The following ENTHD1 variants were observed in gnomAD, a reference collection of about 807,000 sequenced individuals.
ENTHD1 encodes ENTH domain-containing protein 1.
A neutral mutation model predicts 39.1 loss-of-function variants in ENTHD1; 23 were observed. That is an observed-to-expected ratio of 0.59 (90% CI 0.42 to 0.83). ENTHD1 has a LOEUF of 0.83. Ranked by LOEUF, ENTHD1 falls within the 40% of genes least tolerant of loss-of-function variation. The pLI is 0.00. For synonymous variants in ENTHD1, 230 were observed against 258.2 expected, an observed-to-expected ratio of 0.89 and a Z score of 1.05; for missense variants, 624 against 705.4, an observed-to-expected ratio of 0.88 and a Z score of 1.31.
Position 39,765,175 on chromosome 22 carries a change from G to A in ENTHD1, c.1219+48C>T, listed in dbSNP as rs949456716. 2.1e-5 allele frequency: 26 copies of A among 1,255,550 alleles called. No homozygotes were observed. The African/African-American group carries it at 4.5e-4, about 22-fold the overall frequency. The allele number at this position is 1,255,550 out of a possible 1,614,324, so 77.8% of individuals were successfully genotyped here. On this transcript the variant is annotated intron_variant, in intron 6 of 6. Coordinates refer to ENST00000325157, the MANE Select transcript of ENTHD1 (RefSeq NM_152512.4). The stretch of plus-strand genomic sequence containing the variant: ...AATAATGCTTCAAAAGAGGTTTTTT[G>A]TTGTGTGTGTGTGTGTGTGTGTGTG...
intron 6 of ENTHD1, among the ~76,000 whole-genome samples, chr22:39,754,103 C>A (rs2065167162): frequency 6.6e-6 from 1 of 152,140 alleles, no homozygotes; most frequent in African/African-American, 2.4e-5. Context: ...GACCAGATAG[C>A]AAATATTTTG....
intron 5 of ENTHD1, among the ~76,000 whole-genome samples, chr22:39,794,721 G>A (rs540570478): frequency 2.2e-4 from 33 of 151,646 alleles, no homozygotes; most frequent in African/African-American, 6.3e-4. Flanking sequence ...GGAGAATGGC[G>A]TGAACCTGGG....
intron 2 of ENTHD1, among the ~76,000 whole-genome samples, chr22:39,878,936 G>A (rs2146760880): frequency 6.6e-6 from 1 of 152,024 alleles, no homozygotes; most frequent in African/African-American, 2.4e-5. Flanking sequence ...TAAGGTACTA[G>A]CACTACCCAT....
intron 3 of ENTHD1, among the ~76,000 whole-genome samples, chr22:39,861,532 T>C (rs1319483425): frequency 2.0e-5 from 3 of 152,102 alleles, no homozygotes; most frequent in South Asian, 4.2e-4. Flanking sequence ...AGAGCAAGAT[T>C]CCGTCTCAAA....
chr22:39,815,487 C>T (rs1340189109), intron 5 of ENTHD1, among the ~76,000 whole-genome samples: 3 of 151,682 alleles, frequency 2.0e-5, no homozygotes, highest in Non-Finnish European at 4.4e-5. Context: ...CAAATGATAC[C>T]CACCCAATAG....
chr22:39,768,002 G>C (rs1353897109), intron 5 of ENTHD1, among the ~76,000 whole-genome samples: 1 of 152,042 alleles, frequency 6.6e-6, no homozygotes, highest in Non-Finnish European at 1.5e-5. Flanking sequence ...CAAATACTAT[G>C]ACCTAGAAGA....
chr22:39,893,170 CCTAA>C (rs956120630), intron 1 of ENTHD1: 96 of 152,322 alleles, frequency 6.3e-4, no homozygotes, highest in Middle Eastern at 3.4e-3. Context: ...TTTGCCATTT[CCTAA>C]CTAAGACTTA....
intron 5 of ENTHD1, among the ~76,000 whole-genome samples, chr22:39,792,089 A>G (rs1042921625): frequency 3.9e-5 from 6 of 152,180 alleles, no homozygotes; most frequent in Non-Finnish European, 8.8e-5. Context: ...ATGGCTGCAC[A>G]GTATTCCATG....
chr22:39,758,860 A>G (rs1026518008), intron 6 of ENTHD1, among the ~76,000 whole-genome samples: 8 of 152,216 alleles, frequency 5.3e-5, no homozygotes, highest in Non-Finnish European at 1.0e-4. Flanking sequence ...TGCATGAATC[A>G]AGATAATTTT....
intron 2 of ENTHD1, among the ~76,000 whole-genome samples, chr22:39,878,800 T>C (rs2146760438): frequency 6.6e-6 from 1 of 152,146 alleles, no homozygotes; most frequent in Admixed American, 6.5e-5. Flanking sequence ...TTATTATTTA[T>C]TAATAAAATA....
At chr22:39,881,469 G>A (rs1019408168) in intron 2 of ENTHD1, among the ~76,000 whole-genome samples, 1 of 152,148 alleles carries the variant, frequency 6.6e-6, no homozygotes, top group African/African-American at 2.4e-5. Flanking sequence ...ATTATTCTCC[G>A]ATGTTTCCCA....
chr22:39,812,292 C>A (rs371661011), intron 5 of ENTHD1, among the ~76,000 whole-genome samples: 1 of 152,210 alleles, frequency 6.6e-6, no homozygotes, highest in African/African-American at 2.4e-5. Flanking sequence ...CTCAGAAGTG[C>A]TCCTGAAAGA....
intron 5 of ENTHD1, among the ~76,000 whole-genome samples, chr22:39,782,150 G>C (rs1428000944): frequency 6.6e-6 from 1 of 152,150 alleles, no homozygotes; most frequent in Non-Finnish European, 1.5e-5. Context: ...ATCTGGGCAT[G>C]GTGGTGCATG....
intron 6 of ENTHD1, among the ~76,000 whole-genome samples, chr22:39,746,820 C>T (rs768333120): frequency 7.2e-5 from 11 of 152,094 alleles, no homozygotes; most frequent in Non-Finnish European, 1.5e-4. Context: ...GGTGACAGTG[C>T]CCACACTTGT....
chr22:39,851,544 T>C (rs986117682), intron 3 of ENTHD1, among the ~76,000 whole-genome samples: 2 of 152,210 alleles, frequency 1.3e-5, no homozygotes, highest in Non-Finnish European at 2.9e-5. Context: ...GCTCATTGCT[T>C]GTCTTAAACT....
chr22:39,793,724 T>G (rs1200270305), intron 5 of ENTHD1, among the ~76,000 whole-genome samples: 1 of 152,228 alleles, frequency 6.6e-6, no homozygotes, highest in South Asian at 2.1e-4. Context: ...GTGTTCATTC[T>G]CCAGTGTATA....
At chr22:39,806,490 T>A (rs1474993336) in intron 5 of ENTHD1, among the ~76,000 whole-genome samples, 1 of 152,016 alleles carries the variant, frequency 6.6e-6, no homozygotes, top group Non-Finnish European at 1.5e-5. Context: ...ATGCAAAAAA[T>A]ACAAAAAGCA....
intron 2 of ENTHD1, among the ~76,000 whole-genome samples, chr22:39,879,954 G>A (rs535728331): frequency 1.3e-5 from 2 of 152,222 alleles, no homozygotes; most frequent in African/African-American, 2.4e-5. Context: ...GAGGCTGGGC[G>A]CAATGGCTCA....
intron 6 of ENTHD1, among the ~76,000 whole-genome samples, chr22:39,749,171 T>C (rs1400779459): frequency 6.6e-6 from 1 of 152,232 alleles, no homozygotes; most frequent in Non-Finnish European, 1.5e-5. Context: ...GCTGTACACA[T>C]ACTTCAAGCT....
Sources: allele counts gnomAD v4.1 joint callset (sites outside exome capture counted in the v4.1 genomes callset), GRCh38; gene constraint gnomAD v4.1.1; transcripts MANE v1.5; gene names NCBI Gene and HGNC (gene_info 2026-07-23, HGNC 2026-07-21).